The following R3HCC1L variants were observed in gnomAD, a reference collection of about 807,000 sequenced individuals.
The protein encoded by R3HCC1L is R3H domain and coiled-coil containing 1 like.
Under a neutral mutation model 59.9 loss-of-function variants are expected in R3HCC1L, and 51 were observed. The ratio of observed to expected loss-of-function variants is 0.85; its 90% CI spans 0.68 to 1.07. The LOEUF is 1.07. Ranked by LOEUF, R3HCC1L falls within the 50% of genes least tolerant of loss-of-function variation. The pLI is 0.00. For synonymous variants in R3HCC1L, 322 were observed against 315.2 expected, an observed-to-expected ratio of 1.02 and a Z score of -0.23; for missense variants, 965 against 933.0, an observed-to-expected ratio of 1.03 and a Z score of -0.45.
chr10:98,138,614 T>G (rs538590581), intron 1 of R3HCC1L, among the ~76,000 whole-genome samples: 20 of 152,346 alleles, frequency 1.3e-4, no homozygotes, highest in Admixed American at 1.3e-3. Context: ...AATTCTCATC[T>G]ATAGTGTGTG....
intron 5 of R3HCC1L, among the ~76,000 whole-genome samples, chr10:98,220,820 A>G (rs1235732872): frequency 6.6e-6 from 1 of 150,420 alleles, no homozygotes; most frequent in Non-Finnish European, 1.5e-5. Flanking sequence ...GCTATTGTGA[A>G]TAATGCCGCA....
intron 1 of R3HCC1L, among the ~76,000 whole-genome samples, chr10:98,145,820 A>G (rs750119201): frequency 1.3e-5 from 2 of 152,028 alleles, no homozygotes; most frequent in Non-Finnish European, 2.9e-5. Context: ...GTGGTGGTGC[A>G]TGCCTGTGAT....
chr10:98,140,581 G>C (rs1259303063), intron 1 of R3HCC1L, among the ~76,000 whole-genome samples: 1 of 152,180 alleles, frequency 6.6e-6, no homozygotes, highest in Non-Finnish European at 1.5e-5. Flanking sequence ...GACAGATACA[G>C]GGAGGGAGAC....
chr10:98,235,888 A>G (rs1856886740), intron 8 of R3HCC1L, 136 bp from the exon 9 acceptor site: 7 of 1,022,388 alleles, frequency 6.8e-6, no homozygotes, highest in South Asian at 3.4e-5. Flanking sequence ...ATCATCATCT[A>G]TCAGACTTGT....
At chr10:98,218,764 A>G (rs1484166286) in intron 5 of R3HCC1L, among the ~76,000 whole-genome samples, 2 of 152,124 alleles carry the variant, frequency 1.3e-5, no homozygotes, top group East Asian at 1.9e-4. Flanking sequence ...CAATGCTGAG[A>G]GTGGGATGTT....
At position 98,209,279 on chromosome 10, in the gene R3HCC1L, G is replaced by A. The variant is rs757543768; in HGVS notation, c.1165G>A (p.Val389Ile). The stretch of plus-strand genomic sequence containing the variant: ...TACAGGTATGTCCTGTAGTGATCAT[G>A]TAACTGTTGATAGCCCTTATGTAGT... The part of the protein sequence containing the change: ...DTTGMSCSDH[V>I]TVDSPYVVAV... Residue 389 changes from valine (V) to isoleucine (I), a missense_variant, in exon 5 of 10, where the codon GTA (valine) becomes ATA (isoleucine). Physicochemically the swap from Val to Ile is conservative, Grantham distance 29 (BLOSUM62 3). Coordinates refer to ENST00000298999, the MANE Select transcript of R3HCC1L (RefSeq NM_001351015.2). 3 of 1,613,936 alleles carry A rather than the reference G, an allele frequency of 1.9e-6. No homozygotes were observed. The highest frequency in any genetic ancestry group is 2.5e-6 in the Non-Finnish European group (3 of 1,179,906).
rs182307303 is a variant in R3HCC1L, at chr10:98,146,867, A to G, written c.-267-9226A>G. Among the ~76,000 whole-genome samples the G allele has an allele frequency of 1.1e-3, 171 of 152,314 alleles. 1 individual carries two copies. Among genetic ancestry groups the G allele is most frequent in the African/African-American group, 4.0e-3 (167 of 41,578 alleles). On this transcript the variant is annotated intron_variant, in intron 1 of 9. Coordinates refer to ENST00000298999, the MANE Select transcript of R3HCC1L (RefSeq NM_001351015.2). ...GTGAATAGTGCTGTGAAAAAATAAC[A>G]TGGAAGTGCAGATGTCTCTTTAATA...
At chr10:98,150,132 A>G (rs947766012) in intron 1 of R3HCC1L, among the ~76,000 whole-genome samples, 1 of 152,054 alleles carries the variant, frequency 6.6e-6, no homozygotes, top group Non-Finnish European at 1.5e-5. Context: ...CTGAGTTCCA[A>G]TATTTGATTT....
At chr10:98,153,421 T>A (rs1035649645) in intron 1 of R3HCC1L, among the ~76,000 whole-genome samples, 2 of 151,938 alleles carry the variant, frequency 1.3e-5, no homozygotes, top group African/African-American at 4.8e-5. Context: ...AGCAGACTCG[T>A]TAAAGAGTCA....
At chr10:98,159,329 T>G (rs1455324798) in intron 2 of R3HCC1L, among the ~76,000 whole-genome samples, 7 of 152,214 alleles carry the variant, frequency 4.6e-5, no homozygotes, top group Non-Finnish European at 1.0e-4. Flanking sequence ...CCTTTTGTAA[T>G]TTTTTTGTGG....
At chr10:98,235,834 A>G (rs979948284) in intron 8 of R3HCC1L, among the ~76,000 whole-genome samples, 190 bp from the exon 9 acceptor site, 1 of 152,196 alleles carries the variant, frequency 6.6e-6, no homozygotes, top group African/African-American at 2.4e-5. Flanking sequence ...AATGCAGATA[A>G]TGAAGCCAGG....
At chr10:98,194,741 G>A (rs1353424153) in intron 4 of R3HCC1L, among the ~76,000 whole-genome samples, 1 of 152,072 alleles carries the variant, frequency 6.6e-6, no homozygotes, top group African/African-American at 2.4e-5. Flanking sequence ...AATCATTAGG[G>A]AGATGCAAAT....
chr10:98,200,652 CA>C (rs1468220045), intron 4 of R3HCC1L, among the ~76,000 whole-genome samples: 2 of 151,904 alleles, frequency 1.3e-5, no homozygotes, highest in Non-Finnish European at 2.9e-5. Flanking sequence ...CTGCTCAACA[CA>C]AAAGGAAGAA....
At chr10:98,146,947 T>C (rs1183287931) in intron 1 of R3HCC1L, among the ~76,000 whole-genome samples, 1 of 152,222 alleles carries the variant, frequency 6.6e-6, no homozygotes, top group East Asian at 1.9e-4. Context: ...CTGGATCATA[T>C]GATGACTCTA....
chr10:98,210,845 A>G (rs1194564411), intron 5 of R3HCC1L, among the ~76,000 whole-genome samples: 1 of 152,238 alleles, frequency 6.6e-6, no homozygotes, highest in Non-Finnish European at 1.5e-5. Flanking sequence ...TTTGAATACT[A>G]AGTGATGAGT....
At chr10:98,141,203 C>T (rs1177922253) in intron 1 of R3HCC1L, among the ~76,000 whole-genome samples, 1 of 152,100 alleles carries the variant, frequency 6.6e-6, no homozygotes, top group Non-Finnish European at 1.5e-5. Context: ...TATTCTCTTC[C>T]TAGATTGTAA....
chr10:98,166,290 A>G lies in R3HCC1L; in HGVS notation c.-15+2893A>G, dbSNP rs559569221. ...CTGGAAGAGGGCCTGCTCCGGAACC[A>G]GGCCATGCTGGCACCCTGATCTTGG... is the stretch of plus-strand genomic sequence containing the variant. On this transcript the variant is annotated intron_variant, in intron 4 of 9. Coordinates refer to ENST00000298999, the MANE Select transcript of R3HCC1L (RefSeq NM_001351015.2). Among the ~76,000 whole-genome samples the G allele has an allele frequency of 3.3e-5, 5 of 152,372 alleles. 1 individual carries two copies. In the South Asian group the frequency reaches 1.0e-3, roughly 32 times the overall value.
At chr10:98,219,384 T>C (rs1488663115) in intron 5 of R3HCC1L, among the ~76,000 whole-genome samples, 1 of 152,268 alleles carries the variant, frequency 6.6e-6, no homozygotes, top group Admixed American at 6.5e-5. Context: ...GTCATGTTTA[T>C]TAATCTGTTC....
intron 1 of R3HCC1L, among the ~76,000 whole-genome samples, chr10:98,146,771 A>G (rs1845695027): frequency 6.6e-6 from 1 of 152,228 alleles, no homozygotes. Flanking sequence ...TCCACTGTGT[A>G]TATGTACCAC....
Sources: gnomAD v4.1 joint callset for allele counts (sites outside exome capture counted in the v4.1 genomes callset) on GRCh38, gnomAD v4.1.1 for gene constraint, MANE v1.5 for transcripts, NCBI Gene and HGNC (gene_info 2026-07-23, HGNC 2026-07-21) for gene names.